Variants in BLTP1 observed in about 807,000 individuals in gnomAD.
BLTP1 encodes the protein fragile site-associated protein.
chr4:122,299,891 T>A, the BLTP1 span: 1 of 985,130 alleles, frequency 1.0e-6, no homozygotes, highest in South Asian at 4.7e-5. Flanking sequence ...ATGCTGTATA[T>A]TTTAGAGAAG....
chr4:122,218,464 G>A, the BLTP1 span, among the ~76,000 whole-genome samples: 14 of 152,120 alleles, frequency 9.2e-5, no homozygotes, highest in Non-Finnish European at 2.1e-4. Context: ...CCAATTAACT[G>A]TATGACTTTA....
the BLTP1 span, chr4:122,269,366 G>A: frequency 1.0e-6 from 1 of 967,834 alleles, no homozygotes; most frequent in African/African-American, 1.8e-5. Flanking sequence ...CTTCATTTGA[G>A]CACACAAGTA....
the BLTP1 span, chr4:122,247,168 G>C: frequency 2.5e-6 from 4 of 1,611,094 alleles, no homozygotes; most frequent in Non-Finnish European, 3.4e-6. Context: ...AGGTGTGGTT[G>C]AAGAGACTTC....
the BLTP1 span, among the ~76,000 whole-genome samples, chr4:122,265,369 T>A: frequency 2.0e-5 from 3 of 152,256 alleles, no homozygotes; most frequent in African/African-American, 4.8e-5. Flanking sequence ...TTGTATTTTT[T>A]AATTGTTACA....
At chr4:122,253,228 A>G in the BLTP1 span, among the ~76,000 whole-genome samples, 2 of 152,174 alleles carry the variant, frequency 1.3e-5, no homozygotes. Flanking sequence ...ATAAACACCT[A>G]ACTCTTCAAT....
At chr4:122,153,179 T>A in the BLTP1 span, 9 of 260,230 alleles carry the variant, frequency 3.5e-5, no homozygotes, top group South Asian at 6.1e-4. Context: ...TTTTTTTTTT[T>A]ACCTTCCTGT....
At chr4:122,347,991 T>G in the BLTP1 span, among the ~76,000 whole-genome samples, 1 of 152,042 alleles carries the variant, frequency 6.6e-6, no homozygotes, top group African/African-American at 2.4e-5. Context: ...GCCAGTAGCT[T>G]TACAAATAGA....
the BLTP1 span, among the ~76,000 whole-genome samples, chr4:122,327,043 G>C: frequency 6.6e-6 from 1 of 151,646 alleles, no homozygotes; most frequent in African/African-American, 2.4e-5. Flanking sequence ...GCTTATTACT[G>C]CTCAAGTAAC....
the BLTP1 span, chr4:122,337,135 C>G: frequency 1.1e-6 from 1 of 918,156 alleles, no homozygotes; most frequent in African/African-American, 1.7e-5. Flanking sequence ...GGTTCATGAA[C>G]CTTTAGTATG....
At chr4:122,341,625 G>C in the BLTP1 span, 1 of 933,244 alleles carries the variant, frequency 1.1e-6, no homozygotes, top group Non-Finnish European at 1.3e-6. Context: ...TAAATGAATA[G>C]CACCCCTCAT....
the BLTP1 span, among the ~76,000 whole-genome samples, chr4:122,173,993 C>G: frequency 1.1e-4 from 17 of 152,002 alleles, no homozygotes; most frequent in African/African-American, 4.1e-4. Flanking sequence ...ATTTTATGGC[C>G]TGCTTTATTA....
chr4:122,189,429 T>G, the BLTP1 span: 1 of 982,876 alleles, frequency 1.0e-6, no homozygotes, highest in Non-Finnish European at 1.2e-6. Context: ...CGATGTTTGC[T>G]CTAGATTTAT....
chr4:122,239,944 A>G, the BLTP1 span: 1 of 1,614,074 alleles, frequency 6.2e-7, no homozygotes, highest in Non-Finnish European at 8.5e-7. Flanking sequence ...AAGAAGAAAA[A>G]GCAAACCCAG....
chr4:122,356,575 T>C, the BLTP1 span: 7 of 1,592,666 alleles, frequency 4.4e-6, no homozygotes, highest in Non-Finnish European at 5.1e-6. Context: ...TCCTTATTAA[T>C]GGGAAGATGA....
chr4:122,310,271 T>C, the BLTP1 span, among the ~76,000 whole-genome samples: 1 of 152,108 alleles, frequency 6.6e-6, no homozygotes, highest in Non-Finnish European at 1.5e-5. Flanking sequence ...AGTTTTAGCA[T>C]TCAAAATGAA....
the BLTP1 span, chr4:122,172,419 A>G: frequency 2.2e-6 from 1 of 465,054 alleles, no homozygotes; most frequent in African/African-American, 2.1e-5. Flanking sequence ...ATAAGTAACC[A>G]TATACTTTCA....
the BLTP1 span, chr4:122,183,090 C>T: frequency 1.4e-3 from 1,235 of 870,008 alleles, 9 homozygotes; most frequent in African/African-American, 0.021. Context: ...AATCCCAGCA[C>T]TTTGGAAGGC....
At chr4:122,170,615 G>A in the BLTP1 span, 7 of 1,521,576 alleles carry the variant, frequency 4.6e-6, no homozygotes, top group Middle Eastern at 1.7e-4. Flanking sequence ...AATCTTTTAG[G>A]CCTTTAGATG....
the BLTP1 span, chr4:122,273,129 T>A: frequency 1.3e-6 from 1 of 744,448 alleles, no homozygotes; most frequent in Non-Finnish European, 1.6e-6. Flanking sequence ...GAAAATAACC[T>A]GACAGATTAT....
Sources: gnomAD v4.1 joint callset for allele counts (sites outside exome capture counted in the v4.1 genomes callset) on GRCh38, gnomAD v4.1.1 for gene constraint, MANE v1.5 for transcripts, NCBI Gene and HGNC (gene_info 2026-07-23, HGNC 2026-07-21) for gene names.